Variants in CA10 observed in about 807,000 individuals in gnomAD.
The protein encoded by CA10 is carbonic anhydrase-related protein 10.
Under a neutral mutation model 44.2 loss-of-function variants are expected in CA10, and 14 were observed. The observed-to-expected ratio is 0.32, with a 90% CI of 0.21 to 0.50. The LOEUF (loss-of-function observed/expected upper bound fraction) is 0.50. Among genes scored for constraint, CA10 ranks in the 20% least tolerant of loss-of-function variants. The pLI, the probability that CA10 is intolerant of heterozygous loss-of-function variation, is 0.99. For missense variants in CA10, 350 were observed against 409.7 expected (o/e 0.85, Z 1.26); for synonymous variants, 159 against 141.6 (o/e 1.12, Z -0.87).
chr17:51,936,419 T>C lies in CA10; in HGVS notation c.137-5287A>G, dbSNP rs1232731148. Among the ~76,000 whole-genome samples the C allele has an allele frequency of 3.9e-5, 6 of 152,094 alleles. 1 individual carries two copies. The highest frequency in any genetic ancestry group is 7.4e-5 in the Non-Finnish European group (5 of 67,998). On this transcript the variant is annotated intron_variant, in intron 2 of 8. Transcript: ENST00000451037. ...CTAGGTAGCATGGTCAAGGGTGGTC[T>C]CTCTGGAAGGGTCAGCTGGTAGACT...
At chr17:51,908,767 G>T (rs1981668604) in intron 3 of CA10, among the ~76,000 whole-genome samples, 2 of 152,130 alleles carry the variant, frequency 1.3e-5, no homozygotes, top group African/African-American at 2.4e-5. Flanking sequence ...AATGACTCCT[G>T]TCGCATTCAC....
intron 4 of CA10, among the ~76,000 whole-genome samples, chr17:51,665,838 G>A (rs911877864): frequency 5.3e-5 from 8 of 152,242 alleles, no homozygotes; most frequent in Admixed American, 1.3e-4. Context: ...GGTGGTATGT[G>A]ACTGTATGTA....
At chr17:51,839,876 C>T (rs1055093621) in intron 3 of CA10, among the ~76,000 whole-genome samples, 1 of 152,200 alleles carries the variant, frequency 6.6e-6, no homozygotes, top group Non-Finnish European at 1.5e-5. Context: ...GGGTCTCTAA[C>T]ATTTAGATAA....
In CA10 at chr17:52,158,220, G is replaced by T. The variant is rs1022600252; in HGVS notation, c.-434C>A. On this transcript the variant is annotated 5_prime_UTR_variant, in exon 1 of 9. Transcript: ENST00000451037. ...AAGAAGACATAGACGATAGCCCCCC[G>T]CCGGGCTGCGCCGTGCAATTCCGGG... The T allele has an allele frequency of 7.9e-6, 2 of 253,184 alleles. No homozygotes were observed. The highest frequency in any genetic ancestry group is 4.5e-5 in the African/African-American group (2 of 44,076). 15.7% of individuals were successfully genotyped at this position (253,184 alleles called of 1,614,324 possible).
At chr17:51,878,918 G>GTGTA (rs1249403938) in intron 3 of CA10, among the ~76,000 whole-genome samples, 1 of 124,222 alleles carries the variant, frequency 8.1e-6, no homozygotes, top group Non-Finnish European at 1.7e-5. Context: ...GTGTGTATGT[G>GTGTA]TGTATGTGTG....
intron 4 of CA10, among the ~76,000 whole-genome samples, chr17:51,693,018 T>C (rs1230601833): frequency 6.6e-6 from 1 of 152,266 alleles, no homozygotes. Flanking sequence ...TGGTTTTGAC[T>C]GGTTTCAACT....
Position 51,631,325 on chromosome 17 carries a change from A to AGTGTGTGT in CA10, c.*251_*258dup. Reference sequence around the variant, plus strand: ...GACTTCCCATGATGGAGGTTGTAAGAGTGTGTGTGTGTGTAGGTATGTTTG... The same window carrying AGTGTGTGT: ...GACTTCCCATGATGGAGGTTGTAAGAGTGTGTGTGTGTGTGTGTGTGTAGGTATGTTTG... On this transcript the variant is annotated 3_prime_UTR_variant, in exon 9 of 9. Transcript: ENST00000451037. 1 of 450,274 alleles carries AGTGTGTGT rather than the reference A, an allele frequency of 2.2e-6. No homozygotes were observed. The highest frequency in any genetic ancestry group is 5.8e-4 in the Middle Eastern group (1 of 1,714). The allele number at this position is 450,274 out of a possible 1,614,324, so 27.9% of individuals were successfully genotyped here. A position where few individuals can be genotyped will look rare whatever the true frequency, so the allele number is the denominator to read the frequency against.
chr17:52,038,875 G>A lies in CA10; in HGVS notation c.136+33444C>T, dbSNP rs1396492194. On this transcript the variant is annotated intron_variant, in intron 2 of 8. Transcript: ENST00000451037. ...CAATTAAGACTTGGTGTTTCTCTGG[G>A]TCCTGTTTCGAATTATTTTAATAAC... Among the ~76,000 whole-genome samples, 5 of 152,084 alleles carry A rather than the reference G, an allele frequency of 3.3e-5. No individual in the cohort carries two copies. In the East Asian group the frequency reaches 9.7e-4, roughly 29 times the overall value.
rs5820884 is a variant in CA10 at position 51,874,964 on chromosome 17, T to TCCTTTC, written c.279+56025_279+56026insGAAAGG. Among the ~76,000 whole-genome samples the TCCTTTC allele has an allele frequency of 4.1e-5, 3 of 73,330 alleles. No individual in the cohort carries two copies. The Admixed American group carries it at 4.3e-4, about 11-fold the overall frequency. 48.1% of individuals were successfully genotyped at this position (73,330 alleles called of 152,430 possible). On this transcript the variant is annotated intron_variant, in intron 3 of 8. Transcript: ENST00000451037. ...GTTTTTCTTCTGTTTTTTTTTCTTT[T>TCCTTTC]TTTTCTTTTCTTTTCTTTTCTTTTC...
At chr17:52,058,785 T>C (rs1987298141) in intron 2 of CA10, among the ~76,000 whole-genome samples, 1 of 152,168 alleles carries the variant, frequency 6.6e-6, no homozygotes, top group South Asian at 2.1e-4. Flanking sequence ...TGTTTTCTTT[T>C]TTCTGCAGCC....
intron 4 of CA10, among the ~76,000 whole-genome samples, chr17:51,703,844 A>G (rs1455144476): frequency 2.6e-5 from 4 of 152,220 alleles, no homozygotes; most frequent in African/African-American, 9.6e-5. Context: ...GAGTCAGTGC[A>G]TGACCTAACC....
chr17:51,956,199 T>G (rs1201790523), intron 2 of CA10, among the ~76,000 whole-genome samples: 1 of 152,144 alleles, frequency 6.6e-6, no homozygotes, highest in African/African-American at 2.4e-5. Flanking sequence ...AAAACAATAC[T>G]TGGTTCTCCA....
At chr17:51,897,725 C>T (rs1236312924) in intron 3 of CA10, among the ~76,000 whole-genome samples, 3 of 152,098 alleles carry the variant, frequency 2.0e-5, no homozygotes, top group African/African-American at 4.8e-5. Context: ...TTGTTTTTGT[C>T]ATCTCTGATT....
At chr17:52,014,336 G>A (rs1314684281) in intron 2 of CA10, among the ~76,000 whole-genome samples, 2 of 151,886 alleles carry the variant, frequency 1.3e-5, no homozygotes, top group Non-Finnish European at 2.9e-5. Flanking sequence ...TGCATTATGT[G>A]CAAAGTTGGA....
At chr17:52,113,291 A>C (rs1988824616) in intron 1 of CA10, among the ~76,000 whole-genome samples, 1 of 152,218 alleles carries the variant, frequency 6.6e-6, no homozygotes, top group African/African-American at 2.4e-5. Flanking sequence ...CACCTTTTTG[A>C]GAAATACAGA....
Position 51,831,678 on chromosome 17 carries a change from G to GCAGCAGCAGCATCAGCAT in CA10, c.280-83861_280-83860insATGCTGATGCTGCTGCTG, listed in dbSNP as rs1314987145. Among the ~76,000 whole-genome samples the GCAGCAGCAGCATCAGCAT allele has an allele frequency of 1.3e-3, 64 of 49,086 alleles. 1 individual carries two copies. Among genetic ancestry groups the GCAGCAGCAGCATCAGCAT allele is most frequent in the African/African-American group, 4.3e-3 (63 of 14,656 alleles). The allele number at this position is 49,086 out of a possible 152,430, so 32.2% of individuals were successfully genotyped here. ...AAGGAGAAAAGAAAAAGCAGCAGCA[G>GCAGCAGCAGCATCAGCAT]CAGCAGCAGCAGCAGCAGCAGCAGC... On this transcript the variant is annotated intron_variant, in intron 3 of 8. Transcript: ENST00000451037.
intron 2 of CA10, among the ~76,000 whole-genome samples, chr17:51,980,972 T>C (rs1425412554): frequency 6.6e-6 from 1 of 152,058 alleles, no homozygotes. Context: ...AAAAACACAA[T>C]TGATTATCAC....
At chr17:51,985,407 C>G (rs1984797634) in intron 2 of CA10, among the ~76,000 whole-genome samples, 1 of 151,914 alleles carries the variant, frequency 6.6e-6, no homozygotes, top group Admixed American at 6.6e-5. Flanking sequence ...TAACATAATA[C>G]AGAATGGCAA....
intron 5 of CA10, among the ~76,000 whole-genome samples, chr17:51,650,671 G>A (rs1913531017): frequency 6.6e-6 from 1 of 152,182 alleles, no homozygotes; most frequent in South Asian, 2.1e-4. Context: ...CCTGCTCCTG[G>A]TGCTGATGCA....
Sources: gnomAD v4.1 joint callset for allele counts (sites outside exome capture counted in the v4.1 genomes callset) on GRCh38, gnomAD v4.1.1 for gene constraint, MANE v1.5 for transcripts, NCBI Gene and HGNC (gene_info 2026-07-23, HGNC 2026-07-21) for gene names.